VPS8: variants seen among roughly 807,000 people sequenced by gnomAD.
VPS8 encodes the protein vacuolar protein sorting-associated protein 8 homolog.
A neutral mutation model predicts 216.4 loss-of-function variants in VPS8; 129 were observed. The observed-to-expected ratio is 0.60, with a 90% CI of 0.52 to 0.69. The LOEUF (loss-of-function observed/expected upper bound fraction) is 0.69. Among genes scored for constraint, VPS8 ranks in the 30% least tolerant of loss-of-function variants. The probability of loss-of-function intolerance (pLI) is 0.00; values close to 1 mark genes in which losing one functional copy is unlikely to be tolerated. For synonymous variants in VPS8, 571 were observed against 565.4 expected (o/e 1.01, Z -0.14); for missense variants, 1,531 against 1,683.5 (o/e 0.91, Z 1.59).
At chr3:184,964,760 A>C (rs1747106999) in intron 38 of VPS8, among the ~76,000 whole-genome samples, 2 of 152,346 alleles carry the variant, frequency 1.3e-5, no homozygotes, top group African/African-American at 4.8e-5. Flanking sequence ...CAGTAAAAAA[A>C]AGTCATAAAT....
intron 3 of VPS8, among the ~76,000 whole-genome samples, chr3:184,830,189 A>G (rs1388429542): frequency 2.0e-5 from 3 of 152,098 alleles, no homozygotes; most frequent in Non-Finnish European, 4.4e-5. Context: ...AGTGTGAGCT[A>G]TGAGCCAGCA....
At chr3:184,937,903 G>A (rs1373846787) in intron 35 of VPS8, among the ~76,000 whole-genome samples, 1 of 152,176 alleles carries the variant, frequency 6.6e-6, no homozygotes, top group Non-Finnish European at 1.5e-5. Flanking sequence ...AGACAAATAC[G>A]AAACGGTTTC....
chr3:184,919,315 T>G (rs899089057), intron 28 of VPS8, among the ~76,000 whole-genome samples: 2 of 152,236 alleles, frequency 1.3e-5, no homozygotes, highest in African/African-American at 4.8e-5. Context: ...TTTAAACATT[T>G]CTCAGAATCA....
At chr3:184,836,483 G>T (rs56060538) in intron 5 of VPS8, among the ~76,000 whole-genome samples, 6,816 of 152,240 alleles carry the variant, frequency 0.045, 268 homozygotes, top group African/African-American at 0.11. Flanking sequence ...TTTAAAAGGA[G>T]TTCTCCTTCC....
chr3:184,872,448 G>A (rs1728512018), intron 21 of VPS8, among the ~76,000 whole-genome samples: 1 of 151,990 alleles, frequency 6.6e-6, no homozygotes, highest in Admixed American at 6.6e-5. Flanking sequence ...TCCTGTAGAT[G>A]GTGGTTTCTG....
intron 21 of VPS8, among the ~76,000 whole-genome samples, chr3:184,876,760 G>A (rs1171086767): frequency 1.3e-5 from 2 of 152,108 alleles, no homozygotes; most frequent in African/African-American, 4.8e-5. Context: ...CCACCATGCT[G>A]TTAATTCTGC....
intron 8 of VPS8, among the ~76,000 whole-genome samples, chr3:184,843,964 T>G (rs539348067): frequency 6.6e-6 from 1 of 152,298 alleles, no homozygotes; most frequent in African/African-American, 2.4e-5. Context: ...ATGCCCTGGC[T>G]TCAGTCAGTA....
chr3:184,944,392 G>A (rs1743300353), intron 36 of VPS8: 1 of 415,624 alleles, frequency 2.4e-6, no homozygotes, highest in African/African-American at 2.2e-5. Context: ...TTTCCTTTGG[G>A]ACAGCTGCTA....
chr3:184,865,956 C>T (rs186345189), intron 16 of VPS8, among the ~76,000 whole-genome samples: 130 of 151,594 alleles, frequency 8.6e-4, no homozygotes, highest in African/African-American at 3.0e-3. Flanking sequence ...CCACTGGACT[C>T]CAGCCTGGGG....
At chr3:184,885,899 A>T (rs1037917019) in intron 21 of VPS8, 1 of 474,126 alleles carries the variant, frequency 2.1e-6, no homozygotes, top group African/African-American at 1.9e-5. Flanking sequence ...ATTCTTAAAC[A>T]TATTTAGGGT....
chr3:184,957,358 TC>T lies in VPS8; in HGVS notation c.3036-15del, dbSNP rs760897977. The T allele has an allele frequency of 3.5e-4, 556 of 1,585,386 alleles. 3 individuals are homozygous for T. The highest frequency in any genetic ancestry group is 2.3e-5 in the Non-Finnish European group (27 of 1,166,536). ...ATGCTACAATTGAGTGTTCTCTTTA[TC>T]TTTTATGTTTTTAGGGAAGGTATTC... On this transcript the variant is annotated splice_polypyrimidine_tract_variant and intron_variant, in intron 36 of 47. Coordinates refer to ENST00000625842, the MANE Select transcript of VPS8 (RefSeq NM_001009921.3).
intron 25 of VPS8, among the ~76,000 whole-genome samples, chr3:184,912,235 C>T (rs1032573270): frequency 9.9e-5 from 15 of 152,092 alleles, no homozygotes; most frequent in Admixed American, 3.3e-4. Context: ...CAAAGTGTGG[C>T]GTTTTTCTAA....
Position 184,994,007 on chromosome 3 carries a change from CTT to C in VPS8, c.3611_3612del (p.Leu1204ArgfsTer15). 5 of 1,566,422 alleles carry C rather than the reference CTT, an allele frequency of 3.2e-6. No homozygotes were observed. The highest frequency in any genetic ancestry group is 4.3e-6 in the Non-Finnish European group (5 of 1,156,682). On this transcript the variant is annotated frameshift_variant, in exon 43 of 48. Coordinates refer to ENST00000625842, the MANE Select transcript of VPS8 (RefSeq NM_001009921.3). LOFTEE classifies it high-confidence loss of function. ...GGATCCAGTTTATGGAAAAGGAAAACTTGGAGAAATCCAGGGACTTATCTTGG... is the reference window on the plus strand; with the variant it reads ...GGATCCAGTTTATGGAAAAGGAAAACGGAGAAATCCAGGGACTTATCTTGG... ...LQDPVYGKGK[L>X]GEIQGLILGM...
At chr3:184,853,549 G>A (rs1724697650) in intron 11 of VPS8, among the ~76,000 whole-genome samples, 1 of 152,202 alleles carries the variant, frequency 6.6e-6, no homozygotes, top group South Asian at 2.1e-4. Context: ...TGGCTGGAGT[G>A]TGACTTTGTC....
At chr3:184,920,075 T>A in intron 28 of VPS8, 52 bp from the exon 29 acceptor site, 8 of 1,224,810 alleles carry the variant, frequency 6.5e-6, no homozygotes, top group Non-Finnish European at 9.1e-6. Context: ...ACTTGTTTTC[T>A]TCTACATGTG....
At chr3:184,987,083 C>T (rs1751210430) in intron 42 of VPS8, among the ~76,000 whole-genome samples, 1 of 151,982 alleles carries the variant, frequency 6.6e-6, no homozygotes, top group Non-Finnish European at 1.5e-5. Context: ...TATTCATCCT[C>T]CTCCCTATGC....
At chr3:184,849,227 C>T (rs748885994) in intron 9 of VPS8, 32 bp downstream of exon 9, 4 of 1,597,270 alleles carry the variant, frequency 2.5e-6, no homozygotes, top group African/African-American at 1.4e-5. Context: ...ATTCATAAGA[C>T]AATGTTAAAA....
chr3:184,907,281 AT>A (rs747983838), intron 25 of VPS8, among the ~76,000 whole-genome samples: 1 of 152,166 alleles, frequency 6.6e-6, no homozygotes, highest in Non-Finnish European at 1.5e-5. Context: ...GTGAATCTGC[AT>A]TTTTACATAA....
intron 22 of VPS8, among the ~76,000 whole-genome samples, chr3:184,888,523 C>T (rs1433556277): frequency 1.3e-5 from 2 of 152,220 alleles, no homozygotes; most frequent in African/African-American, 4.8e-5. Context: ...CTCACTTTCA[C>T]ACTCAATTCC....
Sources: allele counts gnomAD v4.1 joint callset (sites outside exome capture counted in the v4.1 genomes callset), GRCh38; gene constraint gnomAD v4.1.1; transcripts MANE v1.5; gene names NCBI Gene and HGNC (gene_info 2026-07-23, HGNC 2026-07-21).